The following SLCO3A1 variants were observed in gnomAD, a reference collection of about 807,000 sequenced individuals.
SLCO3A1 encodes solute carrier organic anion transporter family member 3A1.
In SLCO3A1, 27 loss-of-function variants were observed where a neutral mutation model predicts 63.1. The ratio of observed to expected loss-of-function variants is 0.43; its 90% CI spans 0.32 to 0.59. SLCO3A1 has a LOEUF of 0.59. Ranked by LOEUF, SLCO3A1 falls within the 20% of genes least tolerant of loss-of-function variation. The pLI is 0.09. For missense variants in SLCO3A1, 773 were observed against 945.8 expected (o/e 0.82, Z 2.40); for synonymous variants, 473 against 409.9 (o/e 1.15, Z -1.86).
intron 1 of SLCO3A1, among the ~76,000 whole-genome samples, chr15:91,914,567 CT>C (rs556314311): frequency 0.11 from 13,505 of 122,098 alleles, 485 homozygotes; most frequent in African/African-American, 0.16. Flanking sequence ...TATTTTCTTC[CT>C]TTTTTTTTTT....
intron 1 of SLCO3A1, among the ~76,000 whole-genome samples, chr15:91,891,075 A>G (rs1236941366): frequency 6.6e-6 from 1 of 152,086 alleles, no homozygotes; most frequent in African/African-American, 2.4e-5. Context: ...TAATGAGGGA[A>G]CCAGTGAGTT....
At chr15:92,112,151 G>A (rs1205322213) in intron 4 of SLCO3A1, among the ~76,000 whole-genome samples, 1 of 152,192 alleles carries the variant, frequency 6.6e-6, no homozygotes. Context: ...CAGGATCCCC[G>A]TGGATGGAGA....
At chr15:91,956,782 C>CTT (rs750285182) in intron 2 of SLCO3A1, among the ~76,000 whole-genome samples, 6 of 122,402 alleles carry the variant, frequency 4.9e-5, no homozygotes, top group Admixed American at 8.8e-5. Flanking sequence ...GCCTTGCCTT[C>CTT]TTTTTTTTTT....
intron 4 of SLCO3A1, among the ~76,000 whole-genome samples, chr15:92,107,020 C>T (rs577071616): frequency 6.6e-6 from 1 of 152,272 alleles, no homozygotes; most frequent in Non-Finnish European, 1.5e-5. Flanking sequence ...GCTTATGTTC[C>T]ACTAGGGTGC....
At chr15:92,107,755 C>A (rs1333866490) in intron 4 of SLCO3A1, among the ~76,000 whole-genome samples, 1 of 152,208 alleles carries the variant, frequency 6.6e-6, no homozygotes, top group Non-Finnish European at 1.5e-5. Flanking sequence ...CCTTCCAGCC[C>A]CCTCTTCTCT....
At chr15:92,017,630 G>T (rs1039502655) in intron 2 of SLCO3A1, among the ~76,000 whole-genome samples, 1 of 152,158 alleles carries the variant, frequency 6.6e-6, no homozygotes, top group African/African-American at 2.4e-5. Context: ...GGTGATGGCT[G>T]TGGGTGGTAG....
At chr15:92,054,293 A>C (rs1482396701) in intron 2 of SLCO3A1, among the ~76,000 whole-genome samples, 1 of 152,210 alleles carries the variant, frequency 6.6e-6, no homozygotes, top group Non-Finnish European at 1.5e-5. Flanking sequence ...GAGCTGTCCT[A>C]AAAATTGAAT....
intron 2 of SLCO3A1, among the ~76,000 whole-genome samples, chr15:91,965,026 G>T (rs1900606360): frequency 6.6e-6 from 1 of 152,254 alleles, no homozygotes; most frequent in Middle Eastern, 3.4e-3. Context: ...ACCACCATCT[G>T]AAGAGGTACT....
intron 2 of SLCO3A1, among the ~76,000 whole-genome samples, chr15:92,053,004 C>G (rs1371741629): frequency 6.6e-6 from 1 of 152,128 alleles, no homozygotes; most frequent in Non-Finnish European, 1.5e-5. Context: ...CTAGAACTTT[C>G]CAAAATAAAC....
At chr15:92,007,083 C>T (rs2046321431) in intron 2 of SLCO3A1, among the ~76,000 whole-genome samples, 1 of 152,230 alleles carries the variant, frequency 6.6e-6, no homozygotes, top group Non-Finnish European at 1.5e-5. Flanking sequence ...AACTAAGCAA[C>T]ATTTCCACTG....
At chr15:91,957,600 C>T (rs1900286891) in intron 2 of SLCO3A1, among the ~76,000 whole-genome samples, 1 of 152,084 alleles carries the variant, frequency 6.6e-6, no homozygotes, top group Non-Finnish European at 1.5e-5. Flanking sequence ...GGTTCACTTT[C>T]CCCAGATATC....
intron 1 of SLCO3A1, among the ~76,000 whole-genome samples, chr15:91,870,783 T>C (rs1318143241): frequency 6.6e-6 from 1 of 152,194 alleles, no homozygotes; most frequent in African/African-American, 2.4e-5. Flanking sequence ...TTTTAAACCA[T>C]CTTTCTTTAG....
intron 5 of SLCO3A1, among the ~76,000 whole-genome samples, chr15:92,124,947 G>A (rs1457716599): frequency 6.6e-6 from 1 of 152,140 alleles, no homozygotes; most frequent in Non-Finnish European, 1.5e-5. Context: ...GCAGGATGAG[G>A]ATAAAGAGGC....
At chr15:92,029,937 T>G (rs888782752) in intron 2 of SLCO3A1, among the ~76,000 whole-genome samples, 2 of 152,096 alleles carry the variant, frequency 1.3e-5, no homozygotes, top group Admixed American at 6.6e-5. Flanking sequence ...GTCAATTACC[T>G]CGGAGCTGCT....
intron 6 of SLCO3A1, among the ~76,000 whole-genome samples, chr15:92,128,048 A>G (rs1194708774): frequency 6.6e-6 from 1 of 152,126 alleles, no homozygotes; most frequent in Non-Finnish European, 1.5e-5. Flanking sequence ...GATAAAAAGC[A>G]TCTTCCTCCT....
chr15:92,101,616 T>TC (rs2047605681), intron 3 of SLCO3A1, among the ~76,000 whole-genome samples: 1 of 151,896 alleles, frequency 6.6e-6, no homozygotes, highest in Non-Finnish European at 1.5e-5. Context: ...CACCAAAGCC[T>TC]CCCCCGCCCT....
chr15:92,121,647 G>A (rs2047863960), intron 5 of SLCO3A1, among the ~76,000 whole-genome samples: 1 of 152,098 alleles, frequency 6.6e-6, no homozygotes, highest in African/African-American at 2.4e-5. Context: ...TGGTAGTTGA[G>A]GACATCGGAG....
At position 91,999,890 on chromosome 15, in the gene SLCO3A1, A is replaced by G. The variant is rs551762546; in HGVS notation, c.646+83432A>G. Among the ~76,000 whole-genome samples the G allele has an allele frequency of 2.6e-5, 4 of 152,354 alleles. No individual in the cohort carries two copies. In the South Asian group the frequency reaches 8.3e-4, roughly 32 times the overall value. On this transcript the variant is annotated intron_variant, in intron 2 of 9. Transcript: ENST00000318445. ...ACAAATATACTCTCGAAAACCATAG[A>G]TACAGGAGGAAACCTAAGAATGTTC...
intron 2 of SLCO3A1, among the ~76,000 whole-genome samples, chr15:91,921,146 C>T (rs1898830902): frequency 6.6e-6 from 1 of 152,192 alleles, no homozygotes; most frequent in Non-Finnish European, 1.5e-5. Context: ...GGTTGGCGTC[C>T]TCTGAGGTCT....
Sources: gnomAD v4.1 joint callset for allele counts (sites outside exome capture counted in the v4.1 genomes callset) on GRCh38, gnomAD v4.1.1 for gene constraint, MANE v1.5 for transcripts, NCBI Gene and HGNC (gene_info 2026-07-23, HGNC 2026-07-21) for gene names.